Variants in RFWD3 observed in about 807,000 individuals in gnomAD.
RFWD3 encodes the protein ring finger and WD repeat domain 3.
In RFWD3, 65 loss-of-function variants were observed where a neutral mutation model predicts 87.7. The observed-to-expected ratio is 0.74, with a 90% CI of 0.61 to 0.91. The LOEUF (loss-of-function observed/expected upper bound fraction) is 0.91. RFWD3 is among the 40% of genes least tolerant of loss of function. RFWD3 has a pLI of 0.00. For synonymous variants in RFWD3, 433 were observed against 352.8 expected (o/e 1.23, Z -2.55); for missense variants, 1,078 against 938.5 (o/e 1.15, Z -1.94).
intron 1 of RFWD3, among the ~76,000 whole-genome samples, chr16:74,664,178 T>A (rs1023553123): frequency 1.3e-5 from 2 of 152,126 alleles, no homozygotes; most frequent in African/African-American, 2.4e-5. Context: ...CTTCAACTCC[T>A]CGGCTCAAGC....
chr16:74,655,263 A>G (rs1424304384), intron 2 of RFWD3, among the ~76,000 whole-genome samples: 4 of 151,078 alleles, frequency 2.6e-5, no homozygotes, highest in Admixed American at 6.6e-5. Flanking sequence ...TTTTTGAGAC[A>G]GAGTCTCACT....
chr16:74,655,040 T>C (rs1045461934), intron 2 of RFWD3, among the ~76,000 whole-genome samples: 2 of 152,208 alleles, frequency 1.3e-5, no homozygotes, highest in Admixed American at 1.3e-4. Flanking sequence ...CTGTACCAAG[T>C]TATCCAGAAT....
rs747901662 is a variant in RFWD3 at position 74,637,888 on chromosome 16, C to T, written c.1162G>A (p.Asp388Asn). The change falls in exon 7 of 13, where the codon GAT becomes AAT. Residue 388 changes from aspartate (D) to asparagine (N), a missense_variant. Coordinates refer to ENST00000361070, the MANE Select transcript of RFWD3 (RefSeq NM_018124.4). ...CGCCTTTGAAGCCTAGTGCACTTAT[C>T]AGTGAGGACCTGCAGTTGGAGTCGG... ...QCRLQLQVLT[D>N]KCTRLQRRVQ... The T allele has an allele frequency of 6.2e-6, 10 of 1,612,736 alleles. No individual in the cohort carries two copies. Among genetic ancestry groups the T allele is most frequent in the African/African-American group, 1.3e-5 (1 of 74,988 alleles).
chr16:74,640,600 G>A (rs945516882), intron 6 of RFWD3, among the ~76,000 whole-genome samples: 5 of 151,878 alleles, frequency 3.3e-5, no homozygotes, highest in Admixed American at 6.6e-5. Context: ...ATCTGATGGC[G>A]CCACTGCACT....
Position 74,652,081 on chromosome 16 carries a change from G to T in RFWD3, c.560C>A (p.Thr187Asn), listed in dbSNP as rs148545931. The T allele has an allele frequency of 3.2e-4, 524 of 1,614,070 alleles. 2 individuals carry two copies. The highest frequency in any genetic ancestry group is 1.5e-3 in the Middle Eastern group (9 of 6,062). ...PLDAYFQVSRTQPDLPATTYD... is the reference protein window; with the variant it reads ...PLDAYFQVSRNQPDLPATTYD... ...AGTGGTAGCTGGCAAGTCAGGCTGG[G>T]TCCTGCTCACCTGAAAGTAAGCATC... The change falls in exon 3 of 13, where the codon ACC (threonine) becomes AAC (asparagine). Residue 187 changes from threonine to asparagine, a missense_variant. Coordinates refer to ENST00000361070, the MANE Select transcript of RFWD3 (RefSeq NM_018124.4).
chr16:74,651,660 C>A (rs1305008767), intron 3 of RFWD3, among the ~76,000 whole-genome samples: 1 of 152,130 alleles, frequency 6.6e-6, no homozygotes, highest in Non-Finnish European at 1.5e-5. Flanking sequence ...TCTCAGATGT[C>A]TGAAGAAGTG....
intron 7 of RFWD3, among the ~76,000 whole-genome samples, chr16:74,637,632 C>CA (rs1959256172): frequency 6.6e-6 from 1 of 151,714 alleles, no homozygotes; most frequent in Non-Finnish European, 1.5e-5. Flanking sequence ...GACTCTGCCT[C>CA]AAAAAAATAA....
chr16:74,644,551 T>A lies in RFWD3; in HGVS notation c.977A>T (p.Lys326Ile). ...ACCTATGGTCCTTACCTGGGGACAT[T>A]TTCGTACTTGTCCTTTAAGCCACGT... The part of the protein sequence containing the change: ...ISTWLKGQVR[K>I]CPQCNKKARH... Residue 326 changes from lysine to isoleucine, a missense_variant, in exon 5 of 13, where the codon AAA becomes ATA. By Grantham distance (102) the Lys-to-Ile change is moderately radical (BLOSUM62 -3). Transcript: ENST00000361070. The A allele has an allele frequency of 6.2e-7, 1 of 1,614,172 alleles. No homozygotes were observed. Among genetic ancestry groups the A allele is most frequent in the Non-Finnish European group, 8.5e-7 (1 of 1,180,026 alleles).
chr16:74,629,577 A>G (rs1341516996), intron 10 of RFWD3, among the ~76,000 whole-genome samples: 2 of 152,106 alleles, frequency 1.3e-5, no homozygotes, highest in Non-Finnish European at 2.9e-5. Context: ...CAGTGATCCA[A>G]GACTGTGCCA....
chr16:74,662,850 A>G (rs1309809110), intron 1 of RFWD3, among the ~76,000 whole-genome samples: 1 of 152,054 alleles, frequency 6.6e-6, no homozygotes, highest in Non-Finnish European at 1.5e-5. Flanking sequence ...CAAGAGTGGT[A>G]GCAGTGGAGA....
chr16:74,665,369 A>T (rs771457614), intron 1 of RFWD3: 2 of 152,102 alleles, frequency 1.3e-5, no homozygotes, highest in Non-Finnish European at 2.9e-5. Context: ...AGACCACTTG[A>T]GGTCGGAGTC....
chr16:74,659,500 C>T (rs1392487444), intron 2 of RFWD3, among the ~76,000 whole-genome samples: 1 of 152,078 alleles, frequency 6.6e-6, no homozygotes, highest in Admixed American at 6.6e-5. Flanking sequence ...GAGGCTGAGG[C>T]ACAAGAATCG....
chr16:74,645,989 C>A (rs765762248), intron 4 of RFWD3, among the ~76,000 whole-genome samples: 27 of 152,082 alleles, frequency 1.8e-4, no homozygotes, highest in Non-Finnish European at 2.4e-4. Flanking sequence ...ACCTCGCGAT[C>A]CGTCCGCCTT....
chr16:74,665,753 TTTC>T (rs1435270882), intron 1 of RFWD3, among the ~76,000 whole-genome samples: 14 of 78,824 alleles, frequency 1.8e-4, no homozygotes, highest in East Asian at 1.2e-3. Flanking sequence ...TCTTTCTTTC[TTTC>T]TTTTTTTGAG....
intron 2 of RFWD3, among the ~76,000 whole-genome samples, chr16:74,657,625 G>A (rs992781907): frequency 6.6e-6 from 1 of 151,850 alleles, no homozygotes; most frequent in Non-Finnish European, 1.5e-5. Flanking sequence ...ATGGGCACCC[G>A]CCACCACACC....
chr16:74,632,634 C>T lies in RFWD3; in HGVS notation c.1466G>A (p.Ser489Asn), dbSNP rs774770054. 3.7e-6 allele frequency: 6 copies of T among 1,614,110 alleles called. No individual in the cohort carries two copies. The highest frequency in any genetic ancestry group is 2.2e-5 in the South Asian group (2 of 91,078). The change falls in exon 9 of 13, where the codon AGC becomes AAC. Residue 489 changes from serine (S) to asparagine (N), a missense_variant. Coordinates refer to ENST00000361070, the MANE Select transcript of RFWD3 (RefSeq NM_018124.4). ...GCCATGCATCGGAATGTACTGACTG[C>T]TCTTCATGTTGGCAGTACTCAACAT... ...VKMLSTANMK[S>N]SQYIPMHGKQ...
chr16:74,663,777 C>A (rs998565036), intron 1 of RFWD3, among the ~76,000 whole-genome samples: 2 of 152,146 alleles, frequency 1.3e-5, no homozygotes, highest in Non-Finnish European at 2.9e-5. Flanking sequence ...AGATAAAACT[C>A]AAAGCCTGCA....
intron 4 of RFWD3, among the ~76,000 whole-genome samples, chr16:74,648,585 G>A (rs1184961980): frequency 6.6e-6 from 1 of 150,704 alleles, no homozygotes; most frequent in Non-Finnish European, 1.5e-5. Context: ...AGCCTGGCCA[G>A]TATGGTGAAA....
At chr16:74,628,726 C>G in intron 10 of RFWD3, 60 bp from the exon 11 acceptor site, 1 of 1,469,534 alleles carries the variant, frequency 6.8e-7, no homozygotes, top group Non-Finnish European at 9.5e-7. Flanking sequence ...CTCCAGACCC[C>G]ACTACCAGAC....
Sources: allele counts gnomAD v4.1 joint callset (sites outside exome capture counted in the v4.1 genomes callset), GRCh38; gene constraint gnomAD v4.1.1; transcripts MANE v1.5; gene names NCBI Gene and HGNC (gene_info 2026-07-23, HGNC 2026-07-21).